Variants in TMEM120B observed in about 807,000 individuals in gnomAD.
TMEM120B encodes transmembrane protein 120B.
TMEM120B carries 31 observed loss-of-function variants against 55.5 expected under a neutral mutation model. The observed-to-expected ratio is 0.56, with a 90% CI of 0.42 to 0.75. TMEM120B has a LOEUF of 0.75. Among genes scored for constraint, TMEM120B ranks in the 30% least tolerant of loss-of-function variants. TMEM120B has a pLI of 0.00. For synonymous variants in TMEM120B, 203 were observed against 176.3 expected, an observed-to-expected ratio of 1.15 and a Z score of -1.20; for missense variants, 399 against 425.5, an observed-to-expected ratio of 0.94 and a Z score of 0.55.
At chr12:121,728,259 G>A (rs761517013) in intron 1 of TMEM120B, among the ~76,000 whole-genome samples, 18 of 151,990 alleles carry the variant, frequency 1.2e-4, no homozygotes, top group Non-Finnish European at 2.4e-4. Context: ...GGAGGCAGAG[G>A]TGGGCGGATC....
At chr12:121,726,029 C>A (rs1424643703) in intron 1 of TMEM120B, among the ~76,000 whole-genome samples, 1 of 88,824 alleles carries the variant, frequency 1.1e-5, no homozygotes, top group East Asian at 3.2e-4. Context: ...AAGCGAGACT[C>A]TGTCTCAAAA....
At chr12:121,750,061 G>C (rs1873227601) in intron 3 of TMEM120B, among the ~76,000 whole-genome samples, 1 of 151,896 alleles carries the variant, frequency 6.6e-6, no homozygotes, top group South Asian at 2.1e-4. Flanking sequence ...AATTGACCTA[G>C]AGGTTGTACC....
chr12:121,768,975 GTC>G (rs1001302630), intron 6 of TMEM120B, among the ~76,000 whole-genome samples: 17 of 152,122 alleles, frequency 1.1e-4, no homozygotes, highest in African/African-American at 4.1e-4. Context: ...TTGAAATCCT[GTC>G]TCTACTAAAA....
At chr12:121,749,730 A>AC (rs1166498523) in intron 3 of TMEM120B, among the ~76,000 whole-genome samples, 1 of 151,748 alleles carries the variant, frequency 6.6e-6, no homozygotes. Flanking sequence ...ACATGGTGAA[A>AC]CCCCTAAACC....
chr12:121,764,032 C>G (rs530952020), intron 6 of TMEM120B, among the ~76,000 whole-genome samples: 1 of 151,994 alleles, frequency 6.6e-6, no homozygotes, highest in Non-Finnish European at 1.5e-5. Flanking sequence ...TAGAAAACAT[C>G]AGTGTGTAGG....
intron 8 of TMEM120B, among the ~76,000 whole-genome samples, chr12:121,772,537 C>T (rs1186116237): frequency 1.3e-5 from 2 of 151,380 alleles, no homozygotes; most frequent in Non-Finnish European, 2.9e-5. Flanking sequence ...CCGGTTCAAG[C>T]GATTCTCCTG....
At chr12:121,750,292 A>T in intron 3 of TMEM120B, 88 bp from the exon 4 acceptor site, 1 of 1,240,986 alleles carries the variant, frequency 8.1e-7, no homozygotes, top group Non-Finnish European at 1.2e-6. Flanking sequence ...AGTGCTTGGG[A>T]TGTGCTCATT....
intron 5 of TMEM120B, chr12:121,758,686 T>C (rs1475678219): frequency 3.6e-5 from 33 of 918,730 alleles, no homozygotes; most frequent in Admixed American, 1.2e-4. Context: ...ATGGCCTAGC[T>C]CCACGCTGTG....
chr12:121,769,931 C>A (rs1190755640), intron 6 of TMEM120B, among the ~76,000 whole-genome samples: 9 of 152,006 alleles, frequency 5.9e-5, no homozygotes, highest in Non-Finnish European at 1.3e-4. Flanking sequence ...TGAAGTGGGG[C>A]AGTGTGATCC....
At chr12:121,717,555 T>G (rs1364662187) in intron 1 of TMEM120B, among the ~76,000 whole-genome samples, 1 of 152,214 alleles carries the variant, frequency 6.6e-6, no homozygotes, top group Non-Finnish European at 1.5e-5. Flanking sequence ...CCCAGGCTGT[T>G]GAACACCAGT....
chr12:121,748,495 C>G, intron 3 of TMEM120B, 53 bp downstream of exon 3: 1 of 1,238,734 alleles, frequency 8.1e-7, no homozygotes, highest in Non-Finnish European at 1.2e-6. Context: ...CCAGGCCTAG[C>G]ACAGCTGGTC....
intron 1 of TMEM120B, among the ~76,000 whole-genome samples, chr12:121,714,709 G>A (rs772974688): frequency 3.3e-5 from 5 of 151,562 alleles, no homozygotes; most frequent in African/African-American, 7.3e-5. Context: ...TTATAGGTGC[G>A]CGCCACCATG....
chr12:121,730,953 T>C (rs539639936), intron 1 of TMEM120B, among the ~76,000 whole-genome samples: 13 of 151,256 alleles, frequency 8.6e-5, no homozygotes, highest in Admixed American at 3.3e-4. Flanking sequence ...AGCGAAACTC[T>C]GTCTCAAAAA....
intron 5 of TMEM120B, chr12:121,759,009 C>T (rs1458224769): frequency 2.0e-6 from 2 of 985,248 alleles, no homozygotes; most frequent in Non-Finnish European, 2.4e-6. Context: ...GACAATATGG[C>T]CCACTGGGAT....
chr12:121,768,517 A>G (rs186751624), intron 6 of TMEM120B, among the ~76,000 whole-genome samples: 1 of 152,334 alleles, frequency 6.6e-6, no homozygotes, highest in East Asian at 1.9e-4. Context: ...CCTGGAAAAA[A>G]AAGAGAAAGC....
chr12:121,765,996 C>A lies in TMEM120B; in HGVS notation c.551+4258C>A, dbSNP rs557170290. 2.0e-5 allele frequency among the ~76,000 whole-genome samples: 3 copies of A among 152,264 alleles called. No homozygotes were observed. In the South Asian group the frequency reaches 6.2e-4, roughly 32 times the overall value. On this transcript the variant is annotated intron_variant, in intron 6 of 11. Coordinates refer to ENST00000449592, the MANE Select transcript of TMEM120B (RefSeq NM_001080825.2). The stretch of plus-strand genomic sequence containing the variant: ...GGGGCTGGTGCGCGCCGTCAACACC[C>A]CACAGTCTTTGCCGAAGTGACCCAA...
chr12:121,781,881 T>TG lies in TMEM120B; in HGVS notation c.*6165dup, dbSNP rs568533359. 0.056 allele frequency: 8,461 copies of TG among 152,204 alleles called. 376 individuals carry two copies. Among genetic ancestry groups the TG allele is most frequent in the Non-Finnish European group, 0.087 (5,932 of 68,016 alleles). The allele number at this position is 152,204 out of a possible 1,614,324, so 9.4% of individuals were successfully genotyped here. A position where few individuals can be genotyped will look rare whatever the true frequency, so the allele number is the denominator to read the frequency against. ...ACCCAGATTCACAGAGCACACTCCC[T>TG]GGGGGGATACTTTAATCCGGAGGCC... On this transcript the variant is annotated 3_prime_UTR_variant, in exon 12 of 12. Coordinates refer to ENST00000449592, the MANE Select transcript of TMEM120B (RefSeq NM_001080825.2).
chr12:121,716,561 C>T (rs1441991246), intron 1 of TMEM120B, among the ~76,000 whole-genome samples: 21 of 61,182 alleles, frequency 3.4e-4, no homozygotes, highest in South Asian at 6.1e-4. Flanking sequence ...CTTTTTTTTT[C>T]TTTCTTTTTT....
chr12:121,757,172 A>G (rs1873503000), intron 5 of TMEM120B, among the ~76,000 whole-genome samples: 1 of 147,096 alleles, frequency 6.8e-6, no homozygotes, highest in African/African-American at 2.6e-5. Context: ...TTTATTATTT[A>G]TATTTTTGAG....
Sources: allele counts gnomAD v4.1 joint callset (sites outside exome capture counted in the v4.1 genomes callset), GRCh38; gene constraint gnomAD v4.1.1; transcripts MANE v1.5; gene names NCBI Gene and HGNC (gene_info 2026-07-23, HGNC 2026-07-21).